The following FSHR variants were observed in gnomAD, a reference collection of about 807,000 sequenced individuals.
FSHR encodes follicle stimulating hormone receptor.
FSHR carries 46 observed loss-of-function variants against 52.1 expected under a neutral mutation model. The observed-to-expected ratio is 0.88, with a 90% CI of 0.70 to 1.13. FSHR has a LOEUF of 1.13. Among genes scored for constraint, FSHR ranks in the 50% most tolerant of loss-of-function variants. The pLI, the probability that FSHR is intolerant of heterozygous loss-of-function variation, is 0.00. For missense variants in FSHR, 964 were observed against 834.6 expected (o/e 1.16, Z -1.91); for synonymous variants, 399 against 309.6 (o/e 1.29, Z -3.03).
At chr2:48,995,963 C>G (rs1676007769) in intron 4 of FSHR, among the ~76,000 whole-genome samples, 1 of 152,084 alleles carries the variant, frequency 6.6e-6, no homozygotes, top group South Asian at 2.1e-4. Flanking sequence ...AGAGTTCATG[C>G]TATGGCTTGA....
chr2:48,983,569 G>T (rs1346640410), intron 6 of FSHR, among the ~76,000 whole-genome samples: 2 of 152,174 alleles, frequency 1.3e-5, no homozygotes, highest in Non-Finnish European at 2.9e-5. Context: ...ATAAGACAGA[G>T]AAAGAACATT....
chr2:49,145,478 T>A (rs1208278207), intron 1 of FSHR, among the ~76,000 whole-genome samples: 1 of 152,050 alleles, frequency 6.6e-6, no homozygotes, highest in African/African-American at 2.4e-5. Flanking sequence ...AAGGCAAATC[T>A]AGATGGGACA....
chr2:48,993,345 A>T (rs144418549), intron 4 of FSHR, among the ~76,000 whole-genome samples: 1 of 152,138 alleles, frequency 6.6e-6, no homozygotes, highest in African/African-American at 2.4e-5. Context: ...ATTACTCTCC[A>T]TAGATAGAAT....
chr2:49,133,894 C>A (rs1249144184), intron 1 of FSHR, among the ~76,000 whole-genome samples: 2 of 152,156 alleles, frequency 1.3e-5, no homozygotes, highest in East Asian at 3.8e-4. Context: ...GGATTCCTTC[C>A]TTACACCTTA....
intron 2 of FSHR, among the ~76,000 whole-genome samples, chr2:49,032,304 C>T (rs1668127972): frequency 6.6e-6 from 1 of 152,182 alleles, no homozygotes; most frequent in South Asian, 2.1e-4. Context: ...TTGTAGGCCC[C>T]TGAGTGCTGG....
At chr2:49,036,302 G>T (rs1217182712) in intron 2 of FSHR, among the ~76,000 whole-genome samples, 1 of 151,998 alleles carries the variant, frequency 6.6e-6, no homozygotes, top group East Asian at 1.9e-4. Context: ...AAAAAGGTTA[G>T]ACTTGTTATC....
At chr2:49,064,538 C>T (rs1669433759) in intron 2 of FSHR, among the ~76,000 whole-genome samples, 1 of 151,998 alleles carries the variant, frequency 6.6e-6, no homozygotes, top group Non-Finnish European at 1.5e-5. Context: ...AGTTTCAAGT[C>T]TCCATAACTG....
At chr2:49,118,115 G>C (rs984894533) in intron 1 of FSHR, among the ~76,000 whole-genome samples, 5 of 152,090 alleles carry the variant, frequency 3.3e-5, no homozygotes, top group South Asian at 2.1e-4. Context: ...TGGATGGTTG[G>C]GGGGAAAGAG....
intron 4 of FSHR, among the ~76,000 whole-genome samples, chr2:49,011,335 G>A (rs893263606): frequency 5.3e-5 from 8 of 152,078 alleles, no homozygotes; most frequent in Non-Finnish European, 1.0e-4. Context: ...GTAGTTGAGT[G>A]GTTTTGAGTG....
intron 9 of FSHR, among the ~76,000 whole-genome samples, chr2:48,965,964 A>G (rs1466148842): frequency 6.6e-6 from 1 of 152,194 alleles, no homozygotes; most frequent in Non-Finnish European, 1.5e-5. Flanking sequence ...TTGGACTCTG[A>G]TCAGTCAGTG....
At chr2:49,011,642 C>T (rs935578813) in intron 4 of FSHR, among the ~76,000 whole-genome samples, 1 of 152,072 alleles carries the variant, frequency 6.6e-6, no homozygotes, top group Non-Finnish European at 1.5e-5. Context: ...ATGAACACAA[C>T]TCGGTGATGC....
intron 4 of FSHR, among the ~76,000 whole-genome samples, chr2:48,991,948 C>T (rs965285055): frequency 6.6e-6 from 1 of 151,200 alleles, no homozygotes; most frequent in Non-Finnish European, 1.5e-5. Flanking sequence ...GATTTGGTGC[C>T]TTGTTCTCTG....
intron 4 of FSHR, among the ~76,000 whole-genome samples, chr2:49,009,307 T>C (rs967690067): frequency 1.6e-4 from 25 of 151,624 alleles, no homozygotes; most frequent in African/African-American, 5.6e-4. Flanking sequence ...TGCTTGTTTT[T>C]CTCAGGCTTG....
intron 1 of FSHR, among the ~76,000 whole-genome samples, chr2:49,132,848 G>A (rs1006628242): frequency 9.4e-4 from 143 of 151,732 alleles, no homozygotes; most frequent in Admixed American, 1.9e-3. Flanking sequence ...CCTGTTCCAC[G>A]GTGAAACTGA....
At chr2:49,046,007 G>A (rs968359618) in intron 2 of FSHR, among the ~76,000 whole-genome samples, 1 of 152,150 alleles carries the variant, frequency 6.6e-6, no homozygotes, top group African/African-American at 2.4e-5. Flanking sequence ...TGCACAGGAT[G>A]TGGTGTCAGA....
chr2:49,048,617 A>G (rs902187762), intron 2 of FSHR, among the ~76,000 whole-genome samples: 7 of 152,232 alleles, frequency 4.6e-5, no homozygotes, highest in African/African-American at 1.7e-4. Context: ...TGGCATAAAC[A>G]ATTGCTATCT....
chr2:49,077,931 C>A (rs1670008298), intron 1 of FSHR, among the ~76,000 whole-genome samples: 1 of 152,196 alleles, frequency 6.6e-6, no homozygotes, highest in Admixed American at 6.5e-5. Flanking sequence ...TTTGTCAAAG[C>A]CATTCAACAA....
chr2:49,023,975 T>C (rs994391374), intron 2 of FSHR, among the ~76,000 whole-genome samples: 3 of 152,088 alleles, frequency 2.0e-5, no homozygotes, highest in Non-Finnish European at 4.4e-5. Context: ...TTGAGGACTT[T>C]AGGGAGCGAA....
intron 1 of FSHR, among the ~76,000 whole-genome samples, chr2:49,138,857 TG>T (rs1267436050): frequency 1.3e-5 from 2 of 152,194 alleles, no homozygotes; most frequent in Non-Finnish European, 2.9e-5. Flanking sequence ...AGCTCAAAGC[TG>T]TTTTTTTTTA....
Sources: gnomAD v4.1 joint callset for allele counts (sites outside exome capture counted in the v4.1 genomes callset) on GRCh38, gnomAD v4.1.1 for gene constraint, MANE v1.5 for transcripts, NCBI Gene and HGNC (gene_info 2026-07-23, HGNC 2026-07-21) for gene names.